Variants in MRPL13 observed in about 807,000 individuals in gnomAD.
MRPL13 encodes large ribosomal subunit protein uL13m.
MRPL13 carries 33 observed loss-of-function variants against 29.0 expected under a neutral mutation model. The observed-to-expected ratio is 1.14, with a 90% CI of 0.86 to 1.52. MRPL13 has a LOEUF of 1.52. Among genes scored for constraint, MRPL13 ranks in the 40% most tolerant of loss-of-function variants. The pLI, the probability that MRPL13 is intolerant of heterozygous loss-of-function variation, is 0.00. For synonymous variants in MRPL13, 77 were observed against 68.4 expected (o/e 1.13, Z -0.62); for missense variants, 227 against 216.7 (o/e 1.05, Z -0.30).
chr8:120,404,097 T>A (rs1812637279), intron 6 of MRPL13, among the ~76,000 whole-genome samples: 1 of 152,230 alleles, frequency 6.6e-6, no homozygotes, highest in Non-Finnish European at 1.5e-5. Context: ...TCCTTTGGTA[T>A]GTGACTCAAT....
chr8:120,396,828 T>C (rs949694492), intron 6 of MRPL13, among the ~76,000 whole-genome samples: 8 of 152,180 alleles, frequency 5.3e-5, no homozygotes, highest in Admixed American at 6.5e-5. Flanking sequence ...CCATATGGAA[T>C]TTTCTGAAGG....
intron 4 of MRPL13, among the ~76,000 whole-genome samples, chr8:120,422,668 C>T (rs374860313): frequency 4.7e-5 from 7 of 149,106 alleles, no homozygotes; most frequent in Admixed American, 6.7e-5. Context: ...TTAGTTAATT[C>T]GTGAAGTTAA....
At chr8:120,441,695 G>T (rs994844663) in intron 2 of MRPL13, among the ~76,000 whole-genome samples, 1 of 152,112 alleles carries the variant, frequency 6.6e-6, no homozygotes, top group Non-Finnish European at 1.5e-5. Flanking sequence ...AATAATAGCT[G>T]TAAGAAACAT....
intron 6 of MRPL13, among the ~76,000 whole-genome samples, chr8:120,406,495 A>G (rs1000997591): frequency 2.0e-5 from 3 of 151,812 alleles, no homozygotes; most frequent in African/African-American, 7.3e-5. Context: ...TAAAGTAGTG[A>G]GCAGGACCCA....
intron 6 of MRPL13, among the ~76,000 whole-genome samples, chr8:120,408,144 T>C (rs1420733733): frequency 6.6e-6 from 1 of 152,246 alleles, no homozygotes; most frequent in Non-Finnish European, 1.5e-5. Flanking sequence ...TTAAATAAAA[T>C]GTTTTTTTAA....
chr8:120,429,442 A>G (rs1051683975), intron 3 of MRPL13, among the ~76,000 whole-genome samples: 12 of 152,036 alleles, frequency 7.9e-5, no homozygotes, highest in Non-Finnish European at 4.4e-5. Flanking sequence ...AACCCCCATG[A>G]TACAAGTTTA....
intron 3 of MRPL13, among the ~76,000 whole-genome samples, chr8:120,426,108 G>A (rs1233527950): frequency 6.6e-6 from 1 of 151,828 alleles, no homozygotes; most frequent in Non-Finnish European, 1.5e-5. Context: ...AAAGATTTCT[G>A]GGTCAAATGA....
chr8:120,437,145 T>A (rs1338858977), intron 2 of MRPL13, among the ~76,000 whole-genome samples: 1 of 152,200 alleles, frequency 6.6e-6, no homozygotes, highest in Non-Finnish European at 1.5e-5. Context: ...AGTATAAATG[T>A]ACAATTTAGA....
At chr8:120,420,009 G>T (rs778099312) in intron 4 of MRPL13, 71 bp from the exon 5 acceptor site, 76 of 1,000,610 alleles carry the variant, frequency 7.6e-5, no homozygotes, top group Non-Finnish European at 1.0e-4. Flanking sequence ...CATAATTAGA[G>T]ATGATGATGA....
chr8:120,400,220 A>G (rs913409871), intron 6 of MRPL13, among the ~76,000 whole-genome samples: 2 of 152,166 alleles, frequency 1.3e-5, no homozygotes, highest in Non-Finnish European at 2.9e-5. Context: ...TCTAAAACTG[A>G]TCACAGTAAG....
chr8:120,411,071 T>A (rs939520933), intron 6 of MRPL13, among the ~76,000 whole-genome samples: 1 of 151,526 alleles, frequency 6.6e-6, no homozygotes, highest in African/African-American at 2.4e-5. Flanking sequence ...TCCCTCTCCC[T>A]CCCCTTCTCT....
At chr8:120,429,800 T>C (rs1421301240) in intron 3 of MRPL13, among the ~76,000 whole-genome samples, 1 of 152,174 alleles carries the variant, frequency 6.6e-6, no homozygotes, top group Non-Finnish European at 1.5e-5. Context: ...GGCATAGTAA[T>C]TGCATATAAC....
intron 6 of MRPL13, among the ~76,000 whole-genome samples, chr8:120,400,865 C>T (rs953506669): frequency 4.0e-5 from 6 of 151,878 alleles, no homozygotes; most frequent in African/African-American, 1.4e-4. Context: ...TGCAAGGATA[C>T]TATAAACAGC....
intron 2 of MRPL13, among the ~76,000 whole-genome samples, chr8:120,433,607 A>G (rs1350612635): frequency 6.6e-6 from 1 of 152,176 alleles, no homozygotes; most frequent in East Asian, 1.9e-4. Flanking sequence ...ATATTCTTTC[A>G]GTTCTAAGGT....
rs907910398 is a variant in MRPL13, at chr8:120,404,811, G to A, written c.516-8686C>T. On this transcript the variant is annotated intron_variant, in intron 6 of 6. Transcript: ENST00000306185. ...AGGATACACAGCTAGGAGGTAGATGGCAGGGATCTGAGTGTAAACAATTTG... is the reference window on the plus strand; with the variant it reads ...AGGATACACAGCTAGGAGGTAGATGACAGGGATCTGAGTGTAAACAATTTG... 2.6e-5 allele frequency among the ~76,000 whole-genome samples: 4 copies of A among 152,300 alleles called. No individual in the cohort carries two copies. The East Asian group carries it at 7.7e-4, about 29-fold the overall frequency.
chr8:120,428,324 A>G (rs951226374), intron 3 of MRPL13, among the ~76,000 whole-genome samples: 4 of 152,128 alleles, frequency 2.6e-5, no homozygotes, highest in Admixed American at 6.5e-5. Context: ...CCTTCCTTAT[A>G]CCACATACAA....
chr8:120,396,000 G>A lies in MRPL13; in HGVS notation c.*104C>T. 1 of 907,028 alleles carries A rather than the reference G, an allele frequency of 1.1e-6. No homozygotes were observed. The highest frequency in any genetic ancestry group is 1.6e-5 in the South Asian group (1 of 62,862). The allele number at this position is 907,028 out of a possible 1,614,324, so 56.2% of individuals were successfully genotyped here. A position where few individuals can be genotyped will look rare whatever the true frequency, so the allele number is the denominator to read the frequency against. Reference sequence around the variant, plus strand: ...CACAGTGATTCGGCACATAAAACAGGTGCTGAACTGTAGCAGTTGTTTTAC... The same window carrying A: ...CACAGTGATTCGGCACATAAAACAGATGCTGAACTGTAGCAGTTGTTTTAC... On this transcript the variant is annotated 3_prime_UTR_variant, in exon 7 of 7. Transcript: ENST00000306185.
chr8:120,422,360 T>A (rs1280523882), intron 4 of MRPL13, among the ~76,000 whole-genome samples: 2 of 151,454 alleles, frequency 1.3e-5, no homozygotes, highest in Non-Finnish European at 3.0e-5. Context: ...ATGAGTAAAG[T>A]TGAAAGTTTA....
At chr8:120,396,540 T>C (rs535377828) in intron 6 of MRPL13, among the ~76,000 whole-genome samples, 1 of 152,168 alleles carries the variant, frequency 6.6e-6, no homozygotes, top group Non-Finnish European at 1.5e-5. Flanking sequence ...TTCCTATTTA[T>C]ATTATCATAT....
Sources: allele counts gnomAD v4.1 joint callset (sites outside exome capture counted in the v4.1 genomes callset), GRCh38; gene constraint gnomAD v4.1.1; transcripts MANE v1.5; gene names NCBI Gene and HGNC (gene_info 2026-07-23, HGNC 2026-07-21).